Variants in PCDHA2 observed in about 807,000 individuals in gnomAD.
The protein encoded by PCDHA2 is protocadherin alpha-2.
In PCDHA2, 58 loss-of-function variants were observed where a neutral mutation model predicts 66.0. The ratio of observed to expected loss-of-function variants is 0.88; its 90% confidence interval spans 0.71 to 1.09. The LOEUF (loss-of-function observed/expected upper bound fraction) is 1.09, where lower values mean the gene tolerates loss of function less well. Ranked by LOEUF, PCDHA2 falls within the 50% of genes least tolerant of loss-of-function variation. The probability of loss-of-function intolerance (pLI) is 0.00; values close to 1 mark genes in which losing one functional copy is unlikely to be tolerated. For missense variants in PCDHA2, 1,267 were observed against 1,242.3 expected (o/e 1.02, Z -0.30); for synonymous variants, 634 against 554.0 (o/e 1.14, Z -2.03).
intron 1 of PCDHA2, among the ~76,000 whole-genome samples, chr5:140,826,104 A>G (rs1481696647): frequency 2.0e-5 from 3 of 152,168 alleles, no homozygotes; most frequent in African/African-American, 7.2e-5. Context: ...CTATCATGCT[A>G]TTTATATATT....
chr5:140,956,701 G>T (rs549659732), intron 1 of PCDHA2, among the ~76,000 whole-genome samples: 1 of 152,138 alleles, frequency 6.6e-6, no homozygotes, highest in Non-Finnish European at 1.5e-5. Context: ...CCATTGTTTG[G>T]AATAGCTTCA....
Position 140,841,359 on chromosome 5 carries a change from G to T in PCDHA2, c.2388+44007G>T, listed in dbSNP as rs2150314214. 1.2e-5 allele frequency: 20 copies of T among 1,613,174 alleles called. No homozygotes were observed. Among genetic ancestry groups the T allele is most frequent in the Non-Finnish European group, 1.6e-5 (19 of 1,179,474 alleles). On this transcript the variant is annotated intron_variant, in intron 1 of 3. Transcript: ENST00000526136. Reference sequence around the variant, plus strand: ...TGGCGAGGAGAGCTGGGATCCTGGCGACTACTACTCTTGCTTCTGCTCCTC... The same window carrying T: ...TGGCGAGGAGAGCTGGGATCCTGGCTACTACTACTCTTGCTTCTGCTCCTC...
chr5:141,003,254 G>A (rs782245010), intron 3 of PCDHA2, among the ~76,000 whole-genome samples: 17 of 152,190 alleles, frequency 1.1e-4, no homozygotes, highest in Non-Finnish European at 2.1e-4. Flanking sequence ...AAGATTCCTG[G>A]GCAGTGCCTA....
intron 1 of PCDHA2, chr5:140,843,355 G>T (rs1554139992): frequency 1.9e-6 from 3 of 1,596,010 alleles, no homozygotes; most frequent in Admixed American, 1.7e-5. Context: ...CTCCAAAAGC[G>T]TCATCGAGGC....
intron 1 of PCDHA2, chr5:140,855,801 TGAAA>T: frequency 4.2e-6 from 2 of 474,526 alleles, no homozygotes; most frequent in Non-Finnish European, 7.5e-6. Context: ...AACATATGAA[TGAAA>T]GAAAAGTTGT....
Position 140,928,056 on chromosome 5 carries a change from G to A in PCDHA2, c.2389-50893G>A, listed in dbSNP as rs183490994. ...CTAGTGCAGGCCCTTTTCAGCTGAC[G>A]GCTTCCTTTGACAACTACTACAGCC... On this transcript the variant is annotated intron_variant, in intron 1 of 3. Coordinates refer to ENST00000526136, the MANE Select transcript of PCDHA2 (RefSeq NM_018905.3). The A allele has an allele frequency of 2.8e-5, 45 of 1,614,154 alleles. 1 individual carries two copies. The East Asian group carries it at 4.7e-4, about 17-fold the overall frequency.
At chr5:140,966,569 G>A in intron 1 of PCDHA2, 1 of 500,346 alleles carries the variant, frequency 2.0e-6, no homozygotes, top group Non-Finnish European at 3.3e-6. Flanking sequence ...TGGAATATGG[G>A]GAGTCAGCGA....
intron 1 of PCDHA2, among the ~76,000 whole-genome samples, chr5:140,844,362 T>G (rs1209255757): frequency 6.7e-6 from 1 of 149,512 alleles, no homozygotes; most frequent in African/African-American, 2.4e-5. Context: ...GGGAAGAGAT[T>G]TGTAATCCTT....
chr5:140,895,614 A>T (rs185386474), intron 1 of PCDHA2, among the ~76,000 whole-genome samples: 101 of 152,212 alleles, frequency 6.6e-4, no homozygotes, highest in African/African-American at 2.4e-3. Context: ...TTTCTCATTG[A>T]GGGTGTTGTC....
At position 140,883,742 on chromosome 5, in the gene PCDHA2, T is replaced by C. The variant is rs782074620; in HGVS notation, c.2388+86390T>C. 8 of 1,613,220 alleles carry C rather than the reference T, an allele frequency of 5.0e-6. No homozygotes were observed. In the African/African-American group the frequency reaches 8.0e-5, roughly 16 times the overall value. ...CGCACAGGAGAACGCGCTGGTCTCC[T>C]ACTCGCTGGTGGAGCGGCGGGTGGG... On this transcript the variant is annotated intron_variant, in intron 1 of 3. Transcript: ENST00000526136.
At chr5:140,876,480 C>T (rs368324550) in intron 1 of PCDHA2, 10 of 1,613,874 alleles carry the variant, frequency 6.2e-6, no homozygotes, top group Non-Finnish European at 8.5e-6. Context: ...ACAGCATGGT[C>T]CTGGTGGAAG....
Position 140,927,620 on chromosome 5 carries a change from C to T in PCDHA2, c.2389-51329C>T, listed in dbSNP as rs2153590504. 6.2e-7 allele frequency: 1 copy of T among 1,614,196 alleles called. No homozygotes were observed. ...CGCTCCGTATACCGCACCAAGGTTC[C>T]AGAGACTGCACCCAATGGGACTGTG... is the stretch of plus-strand genomic sequence containing the variant. On this transcript the variant is annotated intron_variant, in intron 1 of 3. Coordinates refer to ENST00000526136, the MANE Select transcript of PCDHA2 (RefSeq NM_018905.3).
chr5:140,847,163 A>G (rs1242348309), intron 1 of PCDHA2, among the ~76,000 whole-genome samples: 1 of 149,646 alleles, frequency 6.7e-6, no homozygotes, highest in Non-Finnish European at 1.5e-5. Flanking sequence ...TTTCTGAGTA[A>G]TAAACTAAAG....
intron 1 of PCDHA2, chr5:140,854,159 C>CA (rs59855104): frequency 0.067 from 22,471 of 337,648 alleles, 281 homozygotes; most frequent in African/African-American, 0.075. Flanking sequence ...GATTCTGTCT[C>CA]AAAAAAAAAA....
At chr5:140,853,680 C>CTATCCTTAGACCTGCTAACGCATTAGCAT in intron 1 of PCDHA2, 1 of 988,078 alleles carries the variant, frequency 1.0e-6, no homozygotes, top group South Asian at 4.7e-5. Context: ...TATGGTCAAC[C>CTATCCTTAGACCTGCTAACGCATTAGCAT]TATCCTTAGA....
At chr5:140,848,867 G>A in intron 1 of PCDHA2, 1 of 1,590,766 alleles carries the variant, frequency 6.3e-7, no homozygotes, top group Non-Finnish European at 8.6e-7. Context: ...TGGAGGTGAA[G>A]GACATTAACG....
Position 140,796,949 on chromosome 5 carries a change from C to T in PCDHA2, c.1985C>T (p.Thr662Met), listed in dbSNP as rs1762161008. The change falls in exon 1 of 4, where the codon ACG becomes ATG. Residue 662 changes from threonine (T) to methionine (M), a missense_variant. Transcript: ENST00000526136. ...CACGGCGAACCAGCGTTGACAGCCA[C>T]GGCCACCGTGTTAGTGTCGTTGGTG... ...KDHGEPALTATATVLVSLVES... is the reference protein window; with the variant it reads ...KDHGEPALTAMATVLVSLVES... The T allele has an allele frequency of 3.1e-6, 5 of 1,613,694 alleles. No homozygotes were observed. The highest frequency in any genetic ancestry group is 2.2e-5 in the South Asian group (2 of 91,090).
At chr5:140,831,135 G>C (rs1269683904) in intron 1 of PCDHA2, 5 of 152,252 alleles carry the variant, frequency 3.3e-5, no homozygotes, top group Admixed American at 3.3e-4. Context: ...TATGGTTATT[G>C]ATTTATTTAC....
intron 3 of PCDHA2, among the ~76,000 whole-genome samples, chr5:140,991,888 A>T (rs1374098533): frequency 6.6e-6 from 1 of 152,178 alleles, no homozygotes; most frequent in African/African-American, 2.4e-5. Context: ...TGCCATAACA[A>T]ATTAACACAA....
Sources: allele counts gnomAD v4.1 joint callset (sites outside exome capture counted in the v4.1 genomes callset), GRCh38; gene constraint gnomAD v4.1.1; transcripts MANE v1.5; gene names NCBI Gene and HGNC (gene_info 2026-07-23, HGNC 2026-07-21).